BAZ2B: variants seen among roughly 807,000 people sequenced by gnomAD.
The protein encoded by BAZ2B is bromodomain adjacent to zinc finger domain 2B.
In BAZ2B, 91 loss-of-function variants were observed where a neutral mutation model predicts 246.0. The ratio of observed to expected loss-of-function variants is 0.37; its 90% confidence interval spans 0.31 to 0.44. The LOEUF (loss-of-function observed/expected upper bound fraction) is 0.44, where lower values mean the gene tolerates loss of function less well. Among genes scored for constraint, BAZ2B ranks in the 20% least tolerant of loss-of-function variants. The pLI is 1.00. For missense variants in BAZ2B, 2,332 were observed against 2,533.7 expected (o/e 0.92, Z 1.71); for synonymous variants, 855 against 860.0 (o/e 0.99, Z 0.10).
intron 25 of BAZ2B, among the ~76,000 whole-genome samples, chr2:159,379,177 A>G (rs985328594): frequency 7.2e-5 from 11 of 152,200 alleles, no homozygotes; most frequent in African/African-American, 2.2e-4. Flanking sequence ...AAATCCTGCC[A>G]TAAGTAACAA....
chr2:159,427,686 CTG>C (rs2070232578), intron 13 of BAZ2B, among the ~76,000 whole-genome samples: 1 of 152,026 alleles, frequency 6.6e-6, no homozygotes, highest in African/African-American at 2.4e-5. Flanking sequence ...CCTATATAAA[CTG>C]TAAAGTTATT....
chr2:159,695,793 C>T, the BAZ2B span, among the ~76,000 whole-genome samples: 8 of 151,850 alleles, frequency 5.3e-5, no homozygotes, highest in Non-Finnish European at 1.2e-4. Context: ...CTCACTCTGT[C>T]GCCCAGGCTG....
In BAZ2B at chr2:159,448,283, G is replaced by C; in HGVS notation, c.461C>G (p.Ser154Ter). 6.2e-7 allele frequency: 1 copy of C among 1,612,880 alleles called. No homozygotes were observed. The highest frequency in any genetic ancestry group is 8.5e-7 in the Non-Finnish European group (1 of 1,179,726). Reference protein sequence around the residue: ...AQNHDSSSFHSRTSGKSNRNG... With the variant: ...AQNHDSSSFH ...TCGATTACTTTTTCCCGAAGTCCTTGAATGGAATGAAGAAGAATCATGATT... is the reference window on the plus strand; with the variant it reads ...TCGATTACTTTTTCCCGAAGTCCTTCAATGGAATGAAGAAGAATCATGATT... Residue 154 changes from serine (S) to a stop codon, truncating the protein, a stop_gained, in exon 5 of 37, where the codon TCA (serine) becomes TGA (stop). Coordinates refer to ENST00000392783, the MANE Select transcript of BAZ2B (RefSeq NM_013450.4). LOFTEE classifies it high-confidence loss of function.
chr2:159,704,470 A>G, the BAZ2B span, among the ~76,000 whole-genome samples: 1 of 93,792 alleles, frequency 1.1e-5, no homozygotes, highest in Admixed American at 9.9e-5. Flanking sequence ...CTCCCTCTCT[A>G]TCTTTCTTTT....
intron 31 of BAZ2B, among the ~76,000 whole-genome samples, chr2:159,342,924 C>T (rs2067000425): frequency 6.6e-6 from 1 of 152,140 alleles, no homozygotes; most frequent in Admixed American, 6.5e-5. Flanking sequence ...AAATATTAAA[C>T]TTTGTGTGGA....
At chr2:159,692,299 C>A in the BAZ2B span, among the ~76,000 whole-genome samples, 2 of 151,904 alleles carry the variant, frequency 1.3e-5, no homozygotes, top group Non-Finnish European at 2.9e-5. Flanking sequence ...GGAGTACAGG[C>A]ACGCACAGTA....
chr2:159,356,687 A>G (rs933498142), intron 27 of BAZ2B, among the ~76,000 whole-genome samples: 4 of 152,014 alleles, frequency 2.6e-5, no homozygotes, highest in African/African-American at 9.7e-5. Context: ...ACTGGGAGAC[A>G]CCTCCCAGCA....
chr2:159,694,157 G>C, the BAZ2B span: 2 of 152,182 alleles, frequency 1.3e-5, no homozygotes, highest in East Asian at 3.9e-4. Flanking sequence ...GAGGAGGTTA[G>C]GACACAGACA....
At chr2:159,628,011 C>T in the BAZ2B span, among the ~76,000 whole-genome samples, 1 of 152,104 alleles carries the variant, frequency 6.6e-6, no homozygotes, top group Admixed American at 6.5e-5. Context: ...CACAAGCATT[C>T]CTACATACCA....
At chr2:159,637,263 G>A in the BAZ2B span, among the ~76,000 whole-genome samples, 1 of 152,216 alleles carries the variant, frequency 6.6e-6, no homozygotes, top group Non-Finnish European at 1.5e-5. Flanking sequence ...TCCAGGCCTA[G>A]GCTCTTGGAC....
At chr2:159,585,846 T>C (rs1032851169) in intron 1 of BAZ2B, among the ~76,000 whole-genome samples, 7 of 152,264 alleles carry the variant, frequency 4.6e-5, no homozygotes, top group Non-Finnish European at 8.8e-5. Context: ...TCCTCTCTTA[T>C]TAGAAGGCTT....
chr2:159,381,114 C>G lies in BAZ2B; in HGVS notation c.4005+1445G>C, dbSNP rs575849666. Among the ~76,000 whole-genome samples, 13 of 152,200 alleles carry G rather than the reference C, an allele frequency of 8.5e-5. No homozygotes were observed. In the South Asian group the frequency reaches 1.9e-3, roughly 22 times the overall value. On this transcript the variant is annotated intron_variant, in intron 25 of 36. Transcript: ENST00000392783. ...ATACTGATGTTCCCTGAGGTTCCAACCTCAGTCCACTACTCTATTCACTAA... is the reference window on the plus strand; with the variant it reads ...ATACTGATGTTCCCTGAGGTTCCAAGCTCAGTCCACTACTCTATTCACTAA...
At chr2:159,638,907 C>A in the BAZ2B span, among the ~76,000 whole-genome samples, 81 of 152,130 alleles carry the variant, frequency 5.3e-4, no homozygotes, top group African/African-American at 1.9e-3. Context: ...TTACAGAACA[C>A]CAAGCAGATT....
chr2:159,613,284 TA>T lies in BAZ2B; in HGVS notation c.-46+2957del, dbSNP rs537812861. The stretch of plus-strand genomic sequence containing the variant: ...AGAAGTATTTTTTCATTAGTGTTTG[TA>T]AGAGTAAATGGTACTACAATTCGGC... On this transcript the variant is annotated intron_variant, in intron 1 of 36. Transcript: ENST00000392783. 1.4e-3 allele frequency among the ~76,000 whole-genome samples: 207 copies of T among 152,210 alleles called. 1 individual carries two copies. The highest frequency in any genetic ancestry group is 0.01 in the Middle Eastern group (3 of 294).
At chr2:159,581,777 A>G (rs2081423) in intron 1 of BAZ2B, among the ~76,000 whole-genome samples, 46,315 of 151,900 alleles carry the variant, frequency 0.3, 8,817 homozygotes, top group Admixed American at 0.43. Flanking sequence ...TTGTAGGGAT[A>G]TGGATGAAGC....
At chr2:159,430,090 C>T (rs999243120) in intron 10 of BAZ2B, among the ~76,000 whole-genome samples, 8 of 152,064 alleles carry the variant, frequency 5.3e-5, no homozygotes, top group Non-Finnish European at 1.0e-4. Context: ...AAGACACTGG[C>T]TATATATTGG....
At chr2:159,646,877 C>T in the BAZ2B span, among the ~76,000 whole-genome samples, 1 of 152,118 alleles carries the variant, frequency 6.6e-6, no homozygotes, top group Non-Finnish European at 1.5e-5. Context: ...GAGAGCTTAC[C>T]AGAATGGCCT....
chr2:159,640,049 A>G, the BAZ2B span, among the ~76,000 whole-genome samples: 1 of 152,150 alleles, frequency 6.6e-6, no homozygotes, highest in South Asian at 2.1e-4. Context: ...AAAAAGCAGG[A>G]ATAGCTATAT....
At chr2:159,356,704 G>T (rs772064695) in intron 27 of BAZ2B, among the ~76,000 whole-genome samples, 4 of 152,184 alleles carry the variant, frequency 2.6e-5, no homozygotes, top group Non-Finnish European at 4.4e-5. Flanking sequence ...AGCAGGGGTC[G>T]ACAGACACCT....
Sources: gnomAD v4.1 joint callset for allele counts (sites outside exome capture counted in the v4.1 genomes callset) on GRCh38, gnomAD v4.1.1 for gene constraint, MANE v1.5 for transcripts, NCBI Gene and HGNC (gene_info 2026-07-23, HGNC 2026-07-21) for gene names.